MAGI1: variants seen among roughly 807,000 people sequenced by gnomAD.
The protein encoded by MAGI1 is membrane-associated guanylate kinase, WW and PDZ domain-containing protein 1.
MAGI1 carries 58 observed loss-of-function variants against 139.9 expected under a neutral mutation model. That is an observed-to-expected ratio of 0.41 (90% CI 0.34 to 0.52). The LOEUF (loss-of-function observed/expected upper bound fraction) is 0.52, where lower values mean the gene tolerates loss of function less well. Ranked by LOEUF, MAGI1 falls within the 20% of genes least tolerant of loss-of-function variation. MAGI1 has a pLI of 0.12. For synonymous variants in MAGI1, 812 were observed against 737.9 expected (o/e 1.10, Z -1.63); for missense variants, 1,874 against 1,901.6 (o/e 0.99, Z 0.27).
intron 1 of MAGI1, among the ~76,000 whole-genome samples, chr3:65,676,625 C>T (rs1242245446): frequency 3.3e-5 from 5 of 152,188 alleles, no homozygotes; most frequent in Non-Finnish European, 7.3e-5. Flanking sequence ...TTTATTCATA[C>T]TCAGGAAGGA....
chr3:65,495,689 G>C (rs146912618), intron 2 of MAGI1, among the ~76,000 whole-genome samples: 73 of 152,274 alleles, frequency 4.8e-4, no homozygotes, highest in African/African-American at 1.7e-3. Context: ...AAGTATCTCA[G>C]AGCAACATAG....
chr3:65,532,445 C>G (rs2078756646), intron 2 of MAGI1, among the ~76,000 whole-genome samples: 1 of 152,180 alleles, frequency 6.6e-6, no homozygotes. Flanking sequence ...GGAATACAGA[C>G]TACATATGTG....
intron 1 of MAGI1, among the ~76,000 whole-genome samples, chr3:65,723,473 C>G (rs1433931153): frequency 6.6e-6 from 1 of 152,208 alleles, no homozygotes; most frequent in Non-Finnish European, 1.5e-5. Flanking sequence ...CTTGGCACCT[C>G]TGGCTGTAGA....
intron 1 of MAGI1, among the ~76,000 whole-genome samples, chr3:65,770,689 T>C (rs2037876722): frequency 6.6e-6 from 1 of 152,100 alleles, no homozygotes; most frequent in Non-Finnish European, 1.5e-5. Context: ...TATTATTCAT[T>C]TATTTACTTA....
chr3:65,879,559 C>A (rs1022577772), intron 1 of MAGI1, among the ~76,000 whole-genome samples: 2 of 152,152 alleles, frequency 1.3e-5, no homozygotes, highest in Non-Finnish European at 2.9e-5. Flanking sequence ...ATAATCCCAG[C>A]TCTACTATGT....
intron 1 of MAGI1, among the ~76,000 whole-genome samples, chr3:65,850,550 CAA>C (rs983861773): frequency 2.6e-5 from 4 of 152,080 alleles, no homozygotes; most frequent in African/African-American, 9.7e-5. Flanking sequence ...TCCATTAAAA[CAA>C]AGATATATAA....
chr3:65,541,633 C>T (rs1248192636), intron 2 of MAGI1, among the ~76,000 whole-genome samples: 11 of 152,102 alleles, frequency 7.2e-5, no homozygotes, highest in Non-Finnish European at 1.0e-4. Flanking sequence ...AATCAATAAA[C>T]GTAATCTATC....
chr3:65,416,282 G>A (rs1946212921), intron 12 of MAGI1, among the ~76,000 whole-genome samples: 1 of 152,160 alleles, frequency 6.6e-6, no homozygotes, highest in South Asian at 2.1e-4. Flanking sequence ...CAATGCTAGG[G>A]AAAGAAAGGG....
chr3:65,941,838 C>A (rs553267728), intron 1 of MAGI1, among the ~76,000 whole-genome samples: 1 of 152,332 alleles, frequency 6.6e-6, no homozygotes, highest in East Asian at 1.9e-4. Context: ...GCTGACCAGG[C>A]TGGAGTGCAG....
chr3:65,581,195 T>A lies in MAGI1; in HGVS notation c.430+40777A>T, dbSNP rs1014069441. ...AGGCACACTCTATATCCAAAGAGCA[T>A]CCAGAATCATTCTTTGAAATGTTGA... On this transcript the variant is annotated intron_variant, in intron 2 of 22. Coordinates refer to ENST00000402939, the MANE Select transcript of MAGI1 (RefSeq NM_001033057.2). 3.9e-5 allele frequency among the ~76,000 whole-genome samples: 6 copies of A among 152,154 alleles called. No homozygotes were observed. The East Asian group carries it at 5.8e-4, about 15-fold the overall frequency.
intron 2 of MAGI1, among the ~76,000 whole-genome samples, chr3:65,547,678 A>G (rs1337346101): frequency 6.6e-6 from 1 of 151,932 alleles, no homozygotes; most frequent in East Asian, 1.9e-4. Context: ...GACAAATCCC[A>G]CTTCTGTTTA....
intron 1 of MAGI1, among the ~76,000 whole-genome samples, chr3:65,670,803 T>C (rs2086809978): frequency 6.6e-6 from 1 of 152,134 alleles, no homozygotes; most frequent in Non-Finnish European, 1.5e-5. Flanking sequence ...TCACTCTTAC[T>C]AGATATAAAC....
chr3:65,838,594 T>C (rs948957926), intron 1 of MAGI1, among the ~76,000 whole-genome samples: 3 of 152,220 alleles, frequency 2.0e-5, no homozygotes, highest in Non-Finnish European at 4.4e-5. Flanking sequence ...TTGAACAGTA[T>C]TCCATGGCAT....
At chr3:65,889,966 GC>G in intron 1 of MAGI1, among the ~76,000 whole-genome samples, 1 of 152,208 alleles carries the variant, frequency 6.6e-6, no homozygotes, top group Non-Finnish European at 1.5e-5. Flanking sequence ...ACACAAGCAA[GC>G]TTTGTGCCTT....
intron 1 of MAGI1, among the ~76,000 whole-genome samples, chr3:65,810,737 G>A (rs903593060): frequency 6.6e-6 from 1 of 152,188 alleles, no homozygotes; most frequent in African/African-American, 2.4e-5. Context: ...AAAATGCAAG[G>A]AGTAGAATCC....
chr3:65,802,691 T>C (rs573071945), intron 1 of MAGI1, among the ~76,000 whole-genome samples: 4 of 152,196 alleles, frequency 2.6e-5, no homozygotes. Context: ...ATACCTGGCA[T>C]AAAACAAACA....
At chr3:65,662,555 T>C (rs1308854262) in intron 1 of MAGI1, among the ~76,000 whole-genome samples, 2 of 152,196 alleles carry the variant, frequency 1.3e-5, no homozygotes, top group African/African-American at 4.8e-5. Flanking sequence ...ATGACAGATA[T>C]GTTTGTTTGT....
At chr3:65,857,322 T>G (rs1452719202) in intron 1 of MAGI1, among the ~76,000 whole-genome samples, 1 of 152,236 alleles carries the variant, frequency 6.6e-6, no homozygotes, top group Non-Finnish European at 1.5e-5. Flanking sequence ...TACCAAGTAA[T>G]GCTGCAGAGA....
chr3:65,514,022 A>G (rs78875801), intron 2 of MAGI1, among the ~76,000 whole-genome samples: 25,634 of 112,196 alleles, frequency 0.23, 3,228 homozygotes, highest in Middle Eastern at 0.31. Flanking sequence ...CAACTATCTG[A>G]TCTTTGACAA....
Sources: gnomAD v4.1 joint callset for allele counts (sites outside exome capture counted in the v4.1 genomes callset) on GRCh38, gnomAD v4.1.1 for gene constraint, MANE v1.5 for transcripts, NCBI Gene and HGNC (gene_info 2026-07-23, HGNC 2026-07-21) for gene names.